RBSN: variants seen among roughly 807,000 people sequenced by gnomAD.
RBSN encodes the protein rabenosyn, RAB effector.
A neutral mutation model predicts 60.5 loss-of-function variants in RBSN; 34 were observed. That is an observed-to-expected ratio of 0.56 (90% confidence interval 0.43 to 0.75). RBSN has a LOEUF of 0.75. Ranked by LOEUF, RBSN falls within the 30% of genes least tolerant of loss-of-function variation. The pLI, the probability that RBSN is intolerant of heterozygous loss-of-function variation, is 0.00. For missense variants in RBSN, 845 were observed against 986.8 expected, an observed-to-expected ratio of 0.86 and a Z score of 1.92; for synonymous variants, 322 against 366.9, an observed-to-expected ratio of 0.88 and a Z score of 1.40.
Position 15,074,783 on chromosome 3 carries a change from G to A in RBSN, c.1354C>T (p.Gln452Ter). 6.2e-7 allele frequency: 1 copy of A among 1,614,250 alleles called. No individual in the cohort carries two copies. The highest frequency in any genetic ancestry group is 8.5e-7 in the Non-Finnish European group (1 of 1,180,048). The change falls in exon 14 of 14, where the codon CAG becomes TAG. Residue 452 changes from glutamine to a stop codon, truncating the protein, a stop_gained. Transcript: ENST00000253699. LOFTEE classifies it low-confidence loss of function (END_TRUNC). This position sits in a 1 kb window ranked among gnomAD's most constrained non-coding sequence, Gnocchi z 6.4. ...GWLPLSGGQG[Q>*]SEDSDPLLQQ... The stretch of plus-strand genomic sequence containing the variant: ...AGGAGCGGGTCTGAGTCCTCACTCT[G>A]CCCCTGACCTCCTGACAGTGGGAGC...
intron 4 of RBSN, chr3:15,091,385 C>T: frequency 8.4e-7 from 1 of 1,187,424 alleles, no homozygotes. Flanking sequence ...ACTGGTGTTC[C>T]CCATAGGCTT....
In RBSN at chr3:15,080,276, T is replaced by C. The variant is rs79987049; in HGVS notation, c.911+456A>G. ...AAAAAAAAAAAAGCAGATGTCAGGA[T>C]ACATTTGGCCCACGGGCTGCAGTCT... On this transcript the variant is annotated intron_variant, in intron 10 of 13. Transcript: ENST00000253699. Among the ~76,000 whole-genome samples the C allele has an allele frequency of 4.2e-3, 627 of 149,382 alleles. 5 individuals carry two copies. The highest frequency in any genetic ancestry group is 4.1e-3 in the Non-Finnish European group (277 of 67,580).
At chr3:15,090,337 T>C in intron 5 of RBSN, 62 bp downstream of exon 5, 1 of 1,578,780 alleles carries the variant, frequency 6.3e-7, no homozygotes, top group Non-Finnish European at 8.6e-7. Context: ...TCTTAAAACT[T>C]TACCTAGAAC....
In RBSN at chr3:15,084,964, A is replaced by G; in HGVS notation, c.436+36T>C. The G allele has an allele frequency of 6.2e-7, 1 of 1,614,156 alleles. No homozygotes were observed. Among genetic ancestry groups the G allele is most frequent in the Non-Finnish European group, 8.5e-7 (1 of 1,180,000 alleles). On this transcript the variant is annotated intron_variant, in intron 7 of 13. Coordinates refer to ENST00000253699, the MANE Select transcript of RBSN (RefSeq NM_022340.4). The surrounding 1 kb of genome is among the most constrained non-coding windows in gnomAD (Gnocchi z 4.2). ...GAGAGCTTTGGTCAGGGAAAAAAAG[A>G]TAATAAGATGAATGTGAGCAAAGTT... is the stretch of plus-strand genomic sequence containing the variant.
At position 15,096,183 on chromosome 3, in the gene RBSN, C is replaced by T. The variant is rs2043652619; in HGVS notation, c.-63G>A. The T allele has an allele frequency of 1.5e-5, 23 of 1,496,186 alleles. No homozygotes were observed. Among genetic ancestry groups the T allele is most frequent in the Non-Finnish European group, 2.0e-5 (23 of 1,123,828 alleles). 92.7% of individuals were successfully genotyped at this position (1,496,186 alleles called of 1,614,324 possible). ...CATGCCAAGAGTCAGCTTGATTCCT[C>T]CCAAGGAACCATGGTTCCCGCAGCA... On this transcript the variant is annotated 5_prime_UTR_variant, in exon 4 of 14. Coordinates refer to ENST00000253699, the MANE Select transcript of RBSN (RefSeq NM_022340.4).
At position 15,084,485 on chromosome 3, in the gene RBSN, C is replaced by T. The variant is rs1004778118; in HGVS notation, c.598+250G>A. Among the ~76,000 whole-genome samples the T allele has an allele frequency of 6.6e-6, 1 of 152,170 alleles. No individual in the cohort carries two copies. The highest frequency in any genetic ancestry group is 1.5e-5 in the Non-Finnish European group (1 of 68,030). On this transcript the variant is annotated intron_variant, in intron 8 of 13. Transcript: ENST00000253699. This position sits in a 1 kb window ranked among gnomAD's most constrained non-coding sequence, Gnocchi z 4.2. Reference sequence around the variant, plus strand: ...TGTCACAGCAACCATATGTGGCCCACAAAGCCTAAATGTATTTACTATCTG... The same window carrying T: ...TGTCACAGCAACCATATGTGGCCCATAAAGCCTAAATGTATTTACTATCTG...
At position 15,078,177 on chromosome 3, in the gene RBSN, A is replaced by G; in HGVS notation, c.912-16T>C. The stretch of plus-strand genomic sequence containing the variant: ...CTCCCCAGCACTAAGGAGAAACCAG[A>G]GACACGTGACCTAAGTTTCATGGTG... On this transcript the variant is annotated splice_polypyrimidine_tract_variant and intron_variant, in intron 10 of 13. Transcript: ENST00000253699. 6.2e-7 allele frequency: 1 copy of G among 1,611,812 alleles called. No homozygotes were observed. Among genetic ancestry groups the G allele is most frequent in the African/African-American group, 1.3e-5 (1 of 74,984 alleles).
intron 2 of RBSN, among the ~76,000 whole-genome samples, chr3:15,097,195 C>A (rs1424087157): frequency 6.6e-6 from 1 of 152,142 alleles, no homozygotes; most frequent in Non-Finnish European, 1.5e-5. Context: ...AGTTAAGTAG[C>A]AAACCTGATG....
Position 15,077,114 on chromosome 3 carries a change from C to G in RBSN, c.1049G>C (p.Ser350Thr). ...GATCATTCTCTGCAGCCGCAAATTG[C>G]TTGGATGTGGTGGAGGGTCCTGGTT... ...GLNQDPPPHP[S>T]NLRLQRMIRY... Residue 350 changes from serine (S) to threonine (T), a missense_variant, in exon 12 of 14, where the codon AGC (serine) becomes ACC (threonine). By Grantham distance (58) the Ser-to-Thr change is moderately conservative. Transcript: ENST00000253699. This position sits in a 1 kb window ranked among gnomAD's most constrained non-coding sequence, Gnocchi z 4.4. 6.2e-7 allele frequency: 1 copy of G among 1,614,090 alleles called. No individual in the cohort carries two copies. The highest frequency in any genetic ancestry group is 1.1e-5 in the South Asian group (1 of 91,076).
At chr3:15,078,352 T>G (rs1575088851) in intron 10 of RBSN, among the ~76,000 whole-genome samples, 191 bp from the exon 11 acceptor site, 1 of 152,202 alleles carries the variant, frequency 6.6e-6, no homozygotes, top group Admixed American at 6.5e-5. Flanking sequence ...ATGTTTCGAT[T>G]TGCAGACGCA....
rs1304599681 is a variant in RBSN at position 15,070,641 on chromosome 3, C to G, written c.*3141G>C. The G allele has an allele frequency of 6.6e-6, 1 of 152,614 alleles. No homozygotes were observed. The highest frequency in any genetic ancestry group is 1.5e-5 in the Non-Finnish European group (1 of 68,046). The allele number at this position is 152,614 out of a possible 1,614,324, so 9.5% of individuals were successfully genotyped here. ...CATCTCTGTAACTCCAACTTTGTGC[C>G]TGCATGAATTCTGCGACATGGTACA... is the stretch of plus-strand genomic sequence containing the variant. On this transcript the variant is annotated 3_prime_UTR_variant, in exon 14 of 14. Transcript: ENST00000253699.
intron 5 of RBSN, among the ~76,000 whole-genome samples, chr3:15,089,479 A>AAAAAAAAC (rs2043446902): frequency 3.7e-4 from 39 of 104,038 alleles, no homozygotes; most frequent in Admixed American, 6.0e-4. Flanking sequence ...AAAAAAAAAC[A>AAAAAAAAC]AAAAAAAAAA....
chr3:15,079,154 C>T (rs1044259882), intron 10 of RBSN, among the ~76,000 whole-genome samples: 1 of 152,152 alleles, frequency 6.6e-6, no homozygotes, highest in African/African-American at 2.4e-5. Flanking sequence ...TTGCAGGCCA[C>T]ACAGTCTCTG....
At chr3:15,083,315 G>A (rs539100613) in intron 8 of RBSN, among the ~76,000 whole-genome samples, 8 of 152,308 alleles carry the variant, frequency 5.3e-5, no homozygotes, top group African/African-American at 1.9e-4. Context: ...GTATATGTGA[G>A]AGTTGGAAAG....
intron 8 of RBSN, among the ~76,000 whole-genome samples, chr3:15,083,349 A>G (rs903138285): frequency 1.3e-5 from 2 of 152,166 alleles, no homozygotes; most frequent in Non-Finnish European, 2.9e-5. Flanking sequence ...TTTTGTCCCC[A>G]CATTATCCAG....
rs544867494 is a variant in RBSN at position 15,080,543 on chromosome 3, C to T, written c.911+189G>A. Among the ~76,000 whole-genome samples the T allele has an allele frequency of 8.5e-5, 13 of 152,254 alleles. No homozygotes were observed. The East Asian group carries it at 1.7e-3, about 20-fold the overall frequency. ...AGCTCATGTGATGGTAGCCTGTACC[C>T]CACTAAAAGACAGACATGAAGATGA... On this transcript the variant is annotated intron_variant, in intron 10 of 13. Transcript: ENST00000253699.
intron 9 of RBSN, 61 bp from the exon 10 acceptor site, chr3:15,080,863 G>T: frequency 2.2e-6 from 3 of 1,339,806 alleles, no homozygotes; most frequent in Non-Finnish European, 3.2e-6. Flanking sequence ...CTACCCAGAA[G>T]CTAGGCTCCA....
chr3:15,077,086 T>C lies in RBSN; in HGVS notation c.1077A>G (p.Arg359=). 1 of 1,614,136 alleles carries C rather than the reference T, an allele frequency of 6.2e-7. No homozygotes were observed. The highest frequency in any genetic ancestry group is 1.3e-5 in the African/African-American group (1 of 75,046). Residue 359 remains arginine, a synonymous_variant, in exon 12 of 14, where the codon AGA becomes AGG. Transcript: ENST00000253699. The surrounding 1 kb of genome is among the most constrained non-coding windows in gnomAD (Gnocchi z 4.4). ...CCTGCACAAAAAGTGTAGCTGAGTA[T>C]CTGATCATTCTCTGCAGCCGCAAAT... ...PSNLRLQRMI[R]YSATLFVQEK...
intron 6 of RBSN, among the ~76,000 whole-genome samples, chr3:15,085,568 A>C (rs1397384724): frequency 6.6e-6 from 1 of 152,186 alleles, no homozygotes; most frequent in Non-Finnish European, 1.5e-5. Flanking sequence ...TGCCTGGGAC[A>C]CCCAAAAGAA....
Sources: gnomAD v4.1 joint callset for allele counts (sites outside exome capture counted in the v4.1 genomes callset) on GRCh38, gnomAD v4.1.1 for gene constraint, Gnocchi (gnomAD v3.1) non-coding constraint, MANE v1.5 for transcripts, NCBI Gene and HGNC (gene_info 2026-07-23, HGNC 2026-07-21) for gene names.